Variants in KAZN observed in about 807,000 individuals in gnomAD.
KAZN encodes kazrin.
Under a neutral mutation model 87.4 loss-of-function variants are expected in KAZN, and 40 were observed. The ratio of observed to expected loss-of-function variants is 0.46; its 90% CI spans 0.36 to 0.60. The LOEUF (loss-of-function observed/expected upper bound fraction) is 0.60, where lower values mean the gene tolerates loss of function less well. Among genes scored for constraint, KAZN ranks in the 20% least tolerant of loss-of-function variants. The pLI, the probability that KAZN is intolerant of heterozygous loss-of-function variation, is 0.00. For missense variants in KAZN, 898 were observed against 1,073.9 expected, an observed-to-expected ratio of 0.84 and a Z score of 2.29; for synonymous variants, 466 against 458.3, an observed-to-expected ratio of 1.02 and a Z score of -0.22.
At chr1:14,978,272 G>A (rs1236706631) in intron 2 of KAZN, among the ~76,000 whole-genome samples, 3 of 152,116 alleles carry the variant, frequency 2.0e-5, no homozygotes, top group East Asian at 1.9e-4. Flanking sequence ...CAGCCTTTTC[G>A]AGCTGCCAAA....
chr1:14,371,344 A>G (rs1404853181), intron 2 of KAZN, among the ~76,000 whole-genome samples: 1 of 152,168 alleles, frequency 6.6e-6, no homozygotes, highest in Non-Finnish European at 1.5e-5. Context: ...GATATTAACT[A>G]CATGCTTAAT....
rs538874757 is a variant in KAZN, at chr1:14,017,266, C to G, written c.91+123510C>G. On this transcript the variant is annotated intron_variant, in intron 1 of 16. Coordinates refer to the KAZN transcript ENST00000636203. ...ATCCTTACACCTACACCCACTCACT[C>G]TCAGTTATTTGCAAAAGACTCAGAG... Among the ~76,000 whole-genome samples the G allele has an allele frequency of 3.9e-5, 6 of 152,348 alleles. No individual in the cohort carries two copies. In the East Asian group the frequency reaches 7.7e-4, roughly 20 times the overall value.
intron 1 of KAZN, among the ~76,000 whole-genome samples, chr1:14,819,785 G>T (rs891310244): frequency 7.5e-6 from 1 of 133,884 alleles, no homozygotes; most frequent in Non-Finnish European, 1.5e-5. Flanking sequence ...TCGGCTCATT[G>T]CAACCTCCGT....
chr1:14,420,954 C>T (rs187120523), intron 2 of KAZN, among the ~76,000 whole-genome samples: 534 of 149,734 alleles, frequency 3.6e-3, no homozygotes, highest in African/African-American at 0.012. Flanking sequence ...CTCCGGCCTC[C>T]GCCAGCCCAG....
intron 2 of KAZN, among the ~76,000 whole-genome samples, chr1:14,496,605 A>G (rs555268398): frequency 1.3e-5 from 2 of 152,292 alleles, no homozygotes; most frequent in Admixed American, 6.5e-5. Context: ...TATTATAATG[A>G]TAGATGAGGA....
intron 2 of KAZN, among the ~76,000 whole-genome samples, chr1:14,967,362 T>TC (rs1664573087): frequency 6.6e-6 from 1 of 152,140 alleles, no homozygotes; most frequent in East Asian, 1.9e-4. Context: ...TGGTCACTCT[T>TC]CCGCCTGCTT....
intron 1 of KAZN, among the ~76,000 whole-genome samples, chr1:14,157,825 A>G (rs1645627663): frequency 6.6e-6 from 1 of 152,174 alleles, no homozygotes; most frequent in South Asian, 2.1e-4. Context: ...GAAGCTTACA[A>G]TCATGGAGGA....
At chr1:14,017,022 C>T (rs542395506) in intron 1 of KAZN, among the ~76,000 whole-genome samples, 213 of 152,252 alleles carry the variant, frequency 1.4e-3, no homozygotes, top group Middle Eastern at 6.8e-3. Flanking sequence ...TCGAGAAGTG[C>T]CTCTCTGAGA....
intron 1 of KAZN, among the ~76,000 whole-genome samples, chr1:14,632,683 A>G (rs541492841): frequency 9.9e-5 from 15 of 151,484 alleles, no homozygotes; most frequent in Middle Eastern, 3.4e-3. Context: ...GTTCTCAGCT[A>G]GGACTAACAA....
At chr1:15,095,595 A>C (rs1640772418) in intron 10 of KAZN, among the ~76,000 whole-genome samples, 1 of 151,126 alleles carries the variant, frequency 6.6e-6, no homozygotes, top group African/African-American at 2.4e-5. Flanking sequence ...AAGGGAAGGA[A>C]CCCCCACCCC....
intron 1 of KAZN, among the ~76,000 whole-genome samples, chr1:14,883,282 C>T (rs545347292): frequency 2.7e-4 from 34 of 126,116 alleles, no homozygotes; most frequent in African/African-American, 9.4e-4. Flanking sequence ...GCAAGAAAAG[C>T]GAAACTCCAT....
At chr1:14,321,423 G>A (rs889640599) in intron 2 of KAZN, among the ~76,000 whole-genome samples, 1 of 152,098 alleles carries the variant, frequency 6.6e-6, no homozygotes, top group Admixed American at 6.6e-5. Context: ...ATTGATAATT[G>A]TTGAATAGCT....
intron 1 of KAZN, among the ~76,000 whole-genome samples, chr1:13,960,622 G>C (rs1456691455): frequency 1.3e-5 from 2 of 152,170 alleles, no homozygotes; most frequent in African/African-American, 4.8e-5. Flanking sequence ...TTGACGCCGG[G>C]AGACCAAACC....
At chr1:14,035,785 TTCCTG>T (rs2101361204) in intron 1 of KAZN, among the ~76,000 whole-genome samples, 1 of 152,262 alleles carries the variant, frequency 6.6e-6, no homozygotes, top group South Asian at 2.1e-4. Flanking sequence ...TGTTTTGCCA[TTCCTG>T]TAGGGGTTTT....
chr1:14,321,265 TA>T (rs1571299236), intron 2 of KAZN, among the ~76,000 whole-genome samples: 1 of 152,166 alleles, frequency 6.6e-6, no homozygotes, highest in Non-Finnish European at 1.5e-5. Flanking sequence ...TTTGTCTTTT[TA>T]AAAACTCTAT....
chr1:14,706,919 A>T (rs1460229723), intron 1 of KAZN, among the ~76,000 whole-genome samples: 1 of 152,130 alleles, frequency 6.6e-6, no homozygotes, highest in Non-Finnish European at 1.5e-5. Flanking sequence ...GATGGTGTGT[A>T]ATTTGGGCTG....
intron 4 of KAZN, among the ~76,000 whole-genome samples, chr1:15,048,656 G>A (rs948259900): frequency 6.8e-5 from 10 of 147,938 alleles, no homozygotes; most frequent in East Asian, 6.0e-4. Flanking sequence ...CTGGGTCGTC[G>A]GTCCTGGGTC....
At chr1:15,102,401 G>C (rs1260022707) in intron 11 of KAZN, among the ~76,000 whole-genome samples, 1 of 152,122 alleles carries the variant, frequency 6.6e-6, no homozygotes, top group African/African-American at 2.4e-5. Flanking sequence ...CAACAGTGTG[G>C]TGAAGGCCCA....
chr1:14,421,890 T>C (rs555299010), intron 2 of KAZN, among the ~76,000 whole-genome samples: 1 of 152,284 alleles, frequency 6.6e-6, no homozygotes, highest in East Asian at 1.9e-4. Context: ...TCCCCTTGTC[T>C]GAATAACCAA....
Sources: gnomAD v4.1 joint callset for allele counts (sites outside exome capture counted in the v4.1 genomes callset) on GRCh38, gnomAD v4.1.1 for gene constraint, MANE v1.5 for transcripts, NCBI Gene and HGNC (gene_info 2026-07-23, HGNC 2026-07-21) for gene names.